Variants in GFI1B observed in about 807,000 individuals in gnomAD.
GFI1B encodes growth factor independent 1B transcriptional repressor, also known as zinc finger protein Gfi-1b.
Under a neutral mutation model 35.3 loss-of-function variants are expected in GFI1B, and 20 were observed. The observed-to-expected ratio is 0.57, with a 90% confidence interval of 0.40 to 0.82. The LOEUF is 0.82. Among genes scored for constraint, GFI1B ranks in the 40% least tolerant of loss-of-function variants. The pLI is 0.00. For synonymous variants in GFI1B, 178 were observed against 177.6 expected, an observed-to-expected ratio of 1.00 and a Z score of -0.02; for missense variants, 430 against 446.3, an observed-to-expected ratio of 0.96 and a Z score of 0.33.
In GFI1B at chr9:132,991,208, C is replaced by A; in HGVS notation, c.*158C>A. 1 of 687,434 alleles carries A rather than the reference C, an allele frequency of 1.5e-6. No individual in the cohort carries two copies. Among genetic ancestry groups the A allele is most frequent in the Non-Finnish European group, 2.6e-6 (1 of 392,084 alleles). 42.6% of individuals were successfully genotyped at this position (687,434 alleles called of 1,614,324 possible). ...CATGAAATTGCTGTGTGACCTTGGG[C>A]AAGTCACTTACCCTGTCTGGATCAA... On this transcript the variant is annotated 3_prime_UTR_variant, in exon 7 of 7. Transcript: ENST00000372122.
intron 1 of GFI1B, among the ~76,000 whole-genome samples, chr9:132,960,571 A>G (rs1848346486): frequency 6.6e-6 from 1 of 151,920 alleles, no homozygotes; most frequent in South Asian, 2.1e-4. Flanking sequence ...ATCATAGCTC[A>G]CTACAGCCTC....
upstream of GFI1B, chr9:132,978,652 A>C (rs886704901): frequency 6.6e-6 from 1 of 152,218 alleles, no homozygotes; most frequent in Non-Finnish European, 1.5e-5. Context: ...TGACACAAAT[A>C]ATCAGATTGA....
At chr9:132,980,950 C>T (rs2132625247) in intron 1 of GFI1B, among the ~76,000 whole-genome samples, 1 of 152,234 alleles carries the variant, frequency 6.6e-6, no homozygotes, top group South Asian at 2.1e-4. Flanking sequence ...AGCTGGAGTG[C>T]CATGGTGCGA....
intron 1 of GFI1B, among the ~76,000 whole-genome samples, chr9:132,958,357 C>T (rs974227118): frequency 6.6e-6 from 1 of 152,146 alleles, no homozygotes; most frequent in Non-Finnish European, 1.5e-5. Flanking sequence ...GCTCACAGTT[C>T]TGCAGGTTGT....
intron 1 of GFI1B, among the ~76,000 whole-genome samples, chr9:132,957,611 C>T (rs1588408581): frequency 6.6e-6 from 1 of 152,226 alleles, no homozygotes; most frequent in East Asian, 1.9e-4. Context: ...AATTATAATA[C>T]AACCCAGAAC....
chr9:132,985,853 C>T (rs1245033654), intron 1 of GFI1B, among the ~76,000 whole-genome samples: 1 of 152,136 alleles, frequency 6.6e-6, no homozygotes, highest in Non-Finnish European at 1.5e-5. Flanking sequence ...TCAGACCACC[C>T]GTTTCTATGG....
At chr9:132,993,116 A>G (rs1346485947), downstream of GFI1B, among the ~76,000 whole-genome samples, 1 of 152,180 alleles carries the variant, frequency 6.6e-6, no homozygotes, top group Non-Finnish European at 1.5e-5. Flanking sequence ...CAACATGGTG[A>G]AACCCTGTCT....
Position 132,991,498 on chromosome 9 carries a change from C to G in GFI1B, c.*448C>G, listed in dbSNP as rs1266033389. On this transcript the variant is annotated 3_prime_UTR_variant, in exon 7 of 7. Coordinates refer to ENST00000372122, the MANE Select transcript of GFI1B (RefSeq NM_001377304.1). ...CAGGCAGAGTCGGAGCTGCCTCCCACCCCAGTCAGAAGCCTGGCACCCCCT... is the reference window on the plus strand; with the variant it reads ...CAGGCAGAGTCGGAGCTGCCTCCCAGCCCAGTCAGAAGCCTGGCACCCCCT... The G allele has an allele frequency of 5.4e-6, 1 of 185,310 alleles. No individual in the cohort carries two copies. Among genetic ancestry groups the G allele is most frequent in the Non-Finnish European group, 1.2e-5 (1 of 86,698 alleles). 11.5% of individuals were successfully genotyped at this position (185,310 alleles called of 1,614,324 possible). A position where few individuals can be genotyped will look rare whatever the true frequency, so the allele number is the denominator to read the frequency against.
rs772909138 is a variant in GFI1B, at chr9:132,989,897, C to T, written c.804C>T (p.Tyr268=). 3.1e-6 allele frequency: 5 copies of T among 1,614,080 alleles called. No individual in the cohort carries two copies. Among genetic ancestry groups the T allele is most frequent in the Non-Finnish European group, 4.2e-6 (5 of 1,179,952 alleles). ...HQKSDMKKHT[Y]IHTGEKPHKC... ...AGTCCGACATGAAGAAGCACACCTA[C>T]ATCCACACAGGTGAGTGAGTCTCAC... Residue 268 remains tyrosine (Y), a synonymous_variant, in exon 6 of 7, where the codon TAC becomes TAT. Transcript: ENST00000372122. This position sits in a 1 kb window ranked among gnomAD's most constrained non-coding sequence, Gnocchi z 6.2.
chr9:132,968,508 G>A (rs186721078), intron 1 of GFI1B, among the ~76,000 whole-genome samples: 20 of 152,240 alleles, frequency 1.3e-4, no homozygotes, highest in Admixed American at 1.2e-3. Flanking sequence ...AGCATATCTG[G>A]CAGATGCTAA....
chr9:132,985,483 G>A (rs1029597856), intron 1 of GFI1B, among the ~76,000 whole-genome samples: 5 of 152,104 alleles, frequency 3.3e-5, no homozygotes, highest in Admixed American at 6.5e-5. Flanking sequence ...TGGAGTTGGG[G>A]GTCCTCTCAG....
At chr9:132,987,191 T>C (rs1408856511) in intron 2 of GFI1B, 91 bp from the exon 3 acceptor site, 1 of 1,366,950 alleles carries the variant, frequency 7.3e-7, no homozygotes, top group Non-Finnish European at 1.0e-6. Context: ...TCTCTGGGCC[T>C]CCTCCTCCTA....
At chr9:132,979,245 ACTTTT>A in intron 1 of GFI1B, among the ~76,000 whole-genome samples, 1 of 101,046 alleles carries the variant, frequency 9.9e-6, no homozygotes, top group South Asian at 3.2e-4. Flanking sequence ...TTCCTGGGAC[ACTTTT>A]TTTTTTTTTT....
intron 1 of GFI1B, among the ~76,000 whole-genome samples, chr9:132,959,526 G>A (rs1053318072): frequency 5.3e-5 from 8 of 152,228 alleles, no homozygotes; most frequent in Non-Finnish European, 1.2e-4. Context: ...GAGTGCCCAC[G>A]CAGTGTGAGC....
At chr9:132,947,412 C>G (rs999714708) in intron 1 of GFI1B, among the ~76,000 whole-genome samples, 2 of 96,000 alleles carry the variant, frequency 2.1e-5, no homozygotes, top group Non-Finnish European at 4.0e-5. Flanking sequence ...TTTAATCGAG[C>G]AAAAAAAAAA....
intron 1 of GFI1B, among the ~76,000 whole-genome samples, 191 bp downstream of exon 1, chr9:132,979,032 T>C (rs1455417923): frequency 6.6e-6 from 1 of 152,192 alleles, no homozygotes; most frequent in Non-Finnish European, 1.5e-5. Flanking sequence ...GCCACTGTGC[T>C]AGGAATTGCG....
intron 1 of GFI1B, among the ~76,000 whole-genome samples, chr9:132,979,958 G>A (rs901810876): frequency 6.6e-5 from 10 of 152,160 alleles, no homozygotes; most frequent in South Asian, 2.1e-4. Context: ...GCCTGGACGC[G>A]CCTGCATGTT....
upstream of GFI1B, among the ~76,000 whole-genome samples, chr9:132,976,179 G>A (rs554503339): frequency 6.6e-6 from 1 of 152,288 alleles, no homozygotes; most frequent in East Asian, 1.9e-4. Flanking sequence ...ACAAGTGGAG[G>A]AAGCGTTTGG....
rs760373604 is a variant in GFI1B at position 132,988,202 on chromosome 9, C to T, written c.244C>T (p.Pro82Ser). The T allele has an allele frequency of 5.0e-6, 8 of 1,613,762 alleles. No individual in the cohort carries two copies. The African/African-American group carries it at 1.1e-4, about 22-fold the overall frequency. The change falls in exon 4 of 7, where the codon CCC (proline) becomes TCC (serine). Residue 82 changes from proline (P) to serine (S), a missense_variant. By Grantham distance (74) the Pro-to-Ser change is moderately conservative (BLOSUM62 -1). Transcript: ENST00000372122. ...LARMAPAPEG[P>S]IVLSRPQDGD... is the part of the protein sequence containing the mutation. ...CTGTGTCGTTATCTCCACAGAGGGCCCCATTGTGCTGTCCCGACCCCAGGA... is the reference window on the plus strand; with the variant it reads ...CTGTGTCGTTATCTCCACAGAGGGCTCCATTGTGCTGTCCCGACCCCAGGA...
Sources: gnomAD v4.1 joint callset for allele counts (sites outside exome capture counted in the v4.1 genomes callset) on GRCh38, gnomAD v4.1.1 for gene constraint, Gnocchi (gnomAD v3.1) non-coding constraint, MANE v1.5 for transcripts, NCBI Gene and HGNC (gene_info 2026-07-23, HGNC 2026-07-21) for gene names.